Variants in LARP4B observed in about 807,000 individuals in gnomAD.
LARP4B encodes the protein La ribonucleoprotein 4B.
A neutral mutation model predicts 89.8 loss-of-function variants in LARP4B; 12 were observed. The ratio of observed to expected loss-of-function variants is 0.13; its 90% CI spans 0.09 to 0.22. The LOEUF is 0.22. LARP4B is among the 10% of genes least tolerant of loss of function. LARP4B has a pLI of 1.00. For missense variants in LARP4B, 757 were observed against 947.7 expected (o/e 0.80, Z 2.64); for synonymous variants, 367 against 363.3 (o/e 1.01, Z -0.12).
chr10:862,256 T>TAAAAAAAAAAAAAAAAAAAAAAAAAAAA (rs10661482), intron 5 of LARP4B, among the ~76,000 whole-genome samples: 1 of 84,394 alleles, frequency 1.2e-5, no homozygotes, highest in African/African-American at 5.2e-5. Context: ...CCACTGAAGT[T>TAAAAAAAAAAAAAAAAAAAAAAAAAAAA]AAAAAAAAAA....
At chr10:866,533 C>A (rs944289108) in intron 3 of LARP4B, among the ~76,000 whole-genome samples, 1 of 152,218 alleles carries the variant, frequency 6.6e-6, no homozygotes, top group Non-Finnish European at 1.5e-5. Context: ...CCTCTGGCAG[C>A]GTTTACGCCG....
chr10:850,437 G>A (rs1396646833), intron 5 of LARP4B, among the ~76,000 whole-genome samples: 1 of 152,092 alleles, frequency 6.6e-6, no homozygotes, highest in Non-Finnish European at 1.5e-5. Flanking sequence ...ATAAAGAGAG[G>A]GGTCAATGAA....
chr10:818,008 G>C, intron 14 of LARP4B, 119 bp from the exon 15 acceptor site: 1 of 994,478 alleles, frequency 1.0e-6, no homozygotes, highest in South Asian at 1.7e-5. Flanking sequence ...ACCCAGACAA[G>C]GGCTTCCTCA....
At chr10:816,333 G>A (rs914446196) in intron 15 of LARP4B, among the ~76,000 whole-genome samples, 4 of 152,168 alleles carry the variant, frequency 2.6e-5, no homozygotes, top group Non-Finnish European at 5.9e-5. Flanking sequence ...TGACCATCAC[G>A]AGCTCCATGT....
chr10:915,622 G>A (rs2132033245), intron 1 of LARP4B, among the ~76,000 whole-genome samples: 1 of 152,204 alleles, frequency 6.6e-6, no homozygotes, highest in African/African-American at 2.4e-5. Flanking sequence ...GGCTAACACG[G>A]TGAAACCCCA....
the LARP4B span, among the ~76,000 whole-genome samples, chr10:946,229 A>C: frequency 6.6e-6 from 1 of 152,238 alleles, no homozygotes; most frequent in Non-Finnish European, 1.5e-5. Context: ...AGAATACTGA[A>C]AATCCACTAG....
chr10:923,350 C>T (rs541630033), intron 1 of LARP4B, among the ~76,000 whole-genome samples: 2 of 152,240 alleles, frequency 1.3e-5, no homozygotes, highest in South Asian at 4.1e-4. Flanking sequence ...TTTCCCGGCA[C>T]AGGTCTGAAT....
the LARP4B span, among the ~76,000 whole-genome samples, chr10:951,437 C>T: frequency 2.6e-5 from 4 of 151,870 alleles, no homozygotes; most frequent in African/African-American, 9.7e-5. Context: ...AATCCCAACT[C>T]GAGAGGCTGA....
intron 15 of LARP4B, among the ~76,000 whole-genome samples, chr10:815,895 C>T (rs1832023106): frequency 6.6e-6 from 1 of 152,208 alleles, no homozygotes; most frequent in African/African-American, 2.4e-5. Flanking sequence ...TTGGTGGAAA[C>T]AAGAGGGCAA....
At chr10:985,044 T>C in the LARP4B span, among the ~76,000 whole-genome samples, 2 of 152,206 alleles carry the variant, frequency 1.3e-5, no homozygotes, top group Admixed American at 6.5e-5. Context: ...TGGAGTTCCA[T>C]GCGCCCTGAA....
At chr10:900,618 C>CTTTTTTTT (rs907868624) in intron 1 of LARP4B, among the ~76,000 whole-genome samples, 3 of 118,998 alleles carry the variant, frequency 2.5e-5, no homozygotes, top group Non-Finnish European at 5.3e-5. Context: ...GATATATTTC[C>CTTTTTTTT]TTTTTTTTTT....
the LARP4B span, among the ~76,000 whole-genome samples, chr10:969,227 G>A: frequency 3.9e-5 from 6 of 152,192 alleles, no homozygotes; most frequent in African/African-American, 1.2e-4. Context: ...TACGAGGTAG[G>A]CAGTGACAAC....
rs368748710 is a variant in LARP4B, at chr10:812,806, G to C, written c.*120C>G. ...ACTCACAGAAGAAAACCAACTTGAG[G>C]ATCCCACAGGCCTCAGACACTGCAA... On this transcript the variant is annotated 3_prime_UTR_variant, in exon 18 of 18. Transcript: ENST00000316157. 1 of 875,514 alleles carries C rather than the reference G, an allele frequency of 1.1e-6. No individual in the cohort carries two copies. The highest frequency in any genetic ancestry group is 3.0e-5 in the East Asian group (1 of 33,688). The allele number at this position is 875,514 out of a possible 1,614,324, so 54.2% of individuals were successfully genotyped here.
the LARP4B span, among the ~76,000 whole-genome samples, chr10:936,942 A>G: frequency 6.6e-6 from 1 of 152,268 alleles, no homozygotes; most frequent in African/African-American, 2.4e-5. Context: ...GATACTAAGA[A>G]ATATACGTGA....
At chr10:925,828 C>T (rs1837120559) in intron 1 of LARP4B, among the ~76,000 whole-genome samples, 1 of 152,204 alleles carries the variant, frequency 6.6e-6, no homozygotes, top group Non-Finnish European at 1.5e-5. Context: ...ATCAAAGTGC[C>T]TGGCCGAAAG....
the LARP4B span, among the ~76,000 whole-genome samples, chr10:936,923 G>A: frequency 6.6e-6 from 1 of 152,154 alleles, no homozygotes; most frequent in African/African-American, 2.4e-5. Flanking sequence ...GAACGCATGA[G>A]CTTTTACAGA....
At chr10:903,759 C>T (rs1836407262) in intron 1 of LARP4B, among the ~76,000 whole-genome samples, 1 of 152,182 alleles carries the variant, frequency 6.6e-6, no homozygotes, top group Non-Finnish European at 1.5e-5. Flanking sequence ...TCCAATTCAT[C>T]ATCACAAAAC....
intron 5 of LARP4B, among the ~76,000 whole-genome samples, chr10:859,053 G>GCA (rs1834452397): frequency 6.6e-6 from 1 of 152,122 alleles, no homozygotes; most frequent in African/African-American, 2.4e-5. Flanking sequence ...TTGGGAGGCT[G>GCA]AGATGGGCAG....
intron 7 of LARP4B, among the ~76,000 whole-genome samples, chr10:838,325 A>G (rs146066417): frequency 1.8e-4 from 28 of 152,336 alleles, no homozygotes; most frequent in African/African-American, 6.0e-4. Flanking sequence ...CGTCAACAGG[A>G]TGAGAAGCCA....
Sources: allele counts gnomAD v4.1 joint callset (sites outside exome capture counted in the v4.1 genomes callset), GRCh38; gene constraint gnomAD v4.1.1; transcripts MANE v1.5; gene names NCBI Gene and HGNC (gene_info 2026-07-23, HGNC 2026-07-21).